The following CEP104 variants were observed in gnomAD, a reference collection of about 807,000 sequenced individuals.
CEP104 encodes the protein centrosomal protein 104.
In CEP104, 84 loss-of-function variants were observed where a neutral mutation model predicts 113.3. That is an observed-to-expected ratio of 0.74 (90% CI 0.62 to 0.89). CEP104 has a LOEUF of 0.89. CEP104 is among the 40% of genes least tolerant of loss of function. CEP104 has a pLI of 0.00. For synonymous variants in CEP104, 378 were observed against 421.7 expected (o/e 0.90, Z 1.27); for missense variants, 1,053 against 1,156.6 (o/e 0.91, Z 1.30).
chr1:3,831,371 G>A (rs909406180), intron 12 of CEP104, 149 bp from the exon 13 acceptor site: 13 of 579,904 alleles, frequency 2.2e-5, no homozygotes, highest in South Asian at 3.0e-5. Context: ...GCACTGATCC[G>A]TAAGCTTGTA....
chr1:3,855,820 T>G, intron 1 of CEP104: 2 of 821,622 alleles, frequency 2.4e-6, no homozygotes, highest in Non-Finnish European at 2.9e-6. Flanking sequence ...CATTAACAAT[T>G]TGGGAAGAAG....
At chr1:3,839,433 A>G (rs1305979298) in intron 7 of CEP104, among the ~76,000 whole-genome samples, 175 bp downstream of exon 7, 2 of 152,158 alleles carry the variant, frequency 1.3e-5, no homozygotes, top group East Asian at 1.9e-4. Flanking sequence ...TTCTGCTTCC[A>G]TTTACATTTT....
At chr1:3,834,884 A>G in intron 11 of CEP104, 41 bp downstream of exon 11, 1 of 1,536,304 alleles carries the variant, frequency 6.5e-7, no homozygotes, top group Non-Finnish European at 8.8e-7. Flanking sequence ...GCATGATCTC[A>G]TCCATGCACG....
chr1:3,846,238 G>T (rs1248117910), intron 4 of CEP104, among the ~76,000 whole-genome samples: 1 of 152,118 alleles, frequency 6.6e-6, no homozygotes, highest in African/African-American at 2.4e-5. Flanking sequence ...AGTTAACACA[G>T]CTCAGTTCCC....
chr1:3,815,320 G>T lies in CEP104; in HGVS notation c.*82C>A. On this transcript the variant is annotated 3_prime_UTR_variant, in exon 22 of 22. Coordinates refer to ENST00000378230, the MANE Select transcript of CEP104 (RefSeq NM_014704.4). ...AGCAGCCAGAGCATGGGGCCACCAA[G>T]GCCAGAGAGTTCTGGAGAGATGGTG... is the stretch of plus-strand genomic sequence containing the variant. 1.8e-6 allele frequency: 2 copies of T among 1,088,948 alleles called. No individual in the cohort carries two copies. Among genetic ancestry groups the T allele is most frequent in the Non-Finnish European group, 2.7e-6 (2 of 739,662 alleles). The allele number at this position is 1,088,948 out of a possible 1,614,324, so 67.5% of individuals were successfully genotyped here.
intron 12 of CEP104, among the ~76,000 whole-genome samples, chr1:3,831,984 C>G (rs1001846980): frequency 2.0e-5 from 3 of 152,226 alleles, no homozygotes; most frequent in Non-Finnish European, 4.4e-5. Flanking sequence ...CAAACAGATG[C>G]TGTTGAGTGT....
rs1270914958 is a variant in CEP104 at position 3,815,499 on chromosome 1, G to C, written c.2681C>G (p.Ala894Gly). The change falls in exon 22 of 22, where the codon GCC becomes GGC. Residue 894 changes from alanine to glycine, a missense_variant. Physicochemically the swap from Ala to Gly is moderately conservative, Grantham distance 60. Transcript: ENST00000378230. ...ALQPGKSSAVAASGPLGSKAG... is the reference protein window; with the variant it reads ...ALQPGKSSAVGASGPLGSKAG... ...CTTTGACCCCAAGGGGCCTGATGCG[G>C]CCACAGCTGAGCTTTTCCCTGCAGA... 2 of 1,606,134 alleles carry C rather than the reference G, an allele frequency of 1.2e-6. No individual in the cohort carries two copies. Among genetic ancestry groups the C allele is most frequent in the Admixed American group, 3.4e-5 (2 of 58,876 alleles).
intron 20 of CEP104, among the ~76,000 whole-genome samples, chr1:3,821,538 C>T (rs748896314): frequency 2.0e-4 from 31 of 152,198 alleles, no homozygotes; most frequent in Non-Finnish European, 2.9e-4. Context: ...AGCAGATGAA[C>T]GAAGGAGGGA....
At chr1:3,852,581 C>T (rs932741360) in intron 1 of CEP104, among the ~76,000 whole-genome samples, 160 bp from the exon 2 acceptor site, 6 of 152,042 alleles carry the variant, frequency 3.9e-5, no homozygotes, top group African/African-American at 1.4e-4. Flanking sequence ...TTTTGTTAAA[C>T]ACTTTTATAG....
Position 3,823,278 on chromosome 1 carries a change from A to G in CEP104, c.2504-37T>C. ...TTAAAAAGACTCAGTCGCTCCCTGA[A>G]TGACAGGCGACAAGACATGCTGCTG... On this transcript the variant is annotated intron_variant, in intron 19 of 21. Coordinates refer to ENST00000378230, the MANE Select transcript of CEP104 (RefSeq NM_014704.4). This position sits in a 1 kb window ranked among gnomAD's most constrained non-coding sequence, Gnocchi z 4.1. 6.2e-7 allele frequency: 1 copy of G among 1,613,146 alleles called. No homozygotes were observed. Among genetic ancestry groups the G allele is most frequent in the South Asian group, 1.1e-5 (1 of 91,056 alleles).
At position 3,847,652 on chromosome 1, in the gene CEP104, C is replaced by T. The variant is rs10492942; in HGVS notation, c.288-39G>A. On this transcript the variant is annotated intron_variant, in intron 3 of 21. Transcript: ENST00000378230. ...CACAACTGAAGAATTTGAAAATGTG[C>T]TGTTCAATAAAACTGCTCCCTACTC... The T allele has an allele frequency of 0.23, 364,204 of 1,607,550 alleles. 44,338 individuals are homozygous for T. Among genetic ancestry groups the T allele is most frequent in the Non-Finnish European group, 0.25 (289,379 of 1,174,514 alleles).
Position 3,829,880 on chromosome 1 carries a change from C to T in CEP104, c.1954G>A (p.Asp652Asn), listed in dbSNP as rs781109605. The T allele has an allele frequency of 2.4e-5, 39 of 1,614,100 alleles. No individual in the cohort carries two copies. Among genetic ancestry groups the T allele is most frequent in the Admixed American group, 3.3e-5 (2 of 60,020 alleles). Residue 652 changes from aspartate (D) to asparagine (N), a missense_variant, in exon 14 of 22, where the codon GAC becomes AAC. Coordinates refer to ENST00000378230, the MANE Select transcript of CEP104 (RefSeq NM_014704.4). The part of the protein sequence containing the change: ...ASILEYLPPD[D>N]SNTRRNILYK... Reference sequence around the variant, plus strand: ...AGAATGTTCCTGCGTGTGTTGCTGTCGTCTGGAGGAAGGTACTCCAGGATG... The same window carrying T: ...AGAATGTTCCTGCGTGTGTTGCTGTTGTCTGGAGGAAGGTACTCCAGGATG...
At chr1:3,830,115 T>G (rs1644174049) in intron 13 of CEP104, 118 bp from the exon 14 acceptor site, 1 of 709,694 alleles carries the variant, frequency 1.4e-6, no homozygotes, top group African/African-American at 1.8e-5. Context: ...CCGTATTAAG[T>G]ATTATGAAAT....
intron 6 of CEP104, chr1:3,843,121 T>C: frequency 1.6e-6 from 1 of 639,568 alleles, no homozygotes; most frequent in East Asian, 2.8e-5. Flanking sequence ...TTTTTCTCAC[T>C]GCGGCAACTA....
intron 8 of CEP104, among the ~76,000 whole-genome samples, chr1:3,838,480 C>T (rs4648420): frequency 0.3 from 46,346 of 152,112 alleles, 8,297 homozygotes; most frequent in African/African-American, 0.49. Flanking sequence ...ATCACTATTC[C>T]GTATCTCAGA....
intron 18 of CEP104, among the ~76,000 whole-genome samples, chr1:3,825,315 C>T (rs1644068665): frequency 6.6e-6 from 1 of 152,178 alleles, no homozygotes; most frequent in Non-Finnish European, 1.5e-5. Context: ...TGGAAGACAC[C>T]AGAACGCTGT....
intron 12 of CEP104, among the ~76,000 whole-genome samples, chr1:3,832,256 GTAACCAGGAGTGTATT>G (rs1644223010): frequency 4.7e-5 from 1 of 21,468 alleles, no homozygotes; most frequent in African/African-American, 2.1e-4. Flanking sequence ...GGAGTGTATT[GTAACCAGGAGTGTATT>G]GTAACCAGGA....
chr1:3,824,365 C>T (rs572631357), intron 18 of CEP104, among the ~76,000 whole-genome samples: 3 of 152,174 alleles, frequency 2.0e-5, no homozygotes, highest in South Asian at 4.1e-4. Context: ...GGATTACAGG[C>T]GTGAGCCACC....
intron 3 of CEP104, among the ~76,000 whole-genome samples, chr1:3,847,947 G>T (rs920518150): frequency 6.6e-6 from 1 of 152,020 alleles, no homozygotes; most frequent in Non-Finnish European, 1.5e-5. Flanking sequence ...CAATTCTTCT[G>T]CCTCAGCTTC....
Sources: gnomAD v4.1 joint callset for allele counts (sites outside exome capture counted in the v4.1 genomes callset) on GRCh38, gnomAD v4.1.1 for gene constraint, Gnocchi (gnomAD v3.1) non-coding constraint, MANE v1.5 for transcripts, NCBI Gene and HGNC (gene_info 2026-07-23, HGNC 2026-07-21) for gene names.